The following CDH12 variants were observed in gnomAD, a reference collection of about 807,000 sequenced individuals.
CDH12 encodes cadherin 12.
CDH12 carries 41 observed loss-of-function variants against 74.1 expected under a neutral mutation model. That is an observed-to-expected ratio of 0.55 (90% CI 0.43 to 0.72). CDH12 has a LOEUF of 0.72. Ranked by LOEUF, CDH12 falls within the 30% of genes least tolerant of loss-of-function variation. CDH12 has a pLI of 0.00. For missense variants in CDH12, 945 were observed against 977.2 expected (o/e 0.97, Z 0.44); for synonymous variants, 399 against 355.0 (o/e 1.12, Z -1.39).
intron 5 of CDH12, among the ~76,000 whole-genome samples, chr5:22,034,394 T>G (rs911576136): frequency 2.0e-5 from 3 of 152,168 alleles, no homozygotes; most frequent in African/African-American, 4.8e-5. Flanking sequence ...GTAACAGAAT[T>G]CTAGTAATGT....
At chr5:22,095,742 C>A (rs753808085) in intron 4 of CDH12, among the ~76,000 whole-genome samples, 1 of 151,578 alleles carries the variant, frequency 6.6e-6, no homozygotes, top group Admixed American at 6.6e-5. Context: ...TATTTCCACA[C>A]CCCGACCCCT....
At chr5:22,080,169 A>C (rs1453938381) in intron 4 of CDH12, among the ~76,000 whole-genome samples, 1 of 151,786 alleles carries the variant, frequency 6.6e-6, no homozygotes, top group African/African-American at 2.4e-5. Context: ...ACTAAAATCA[A>C]ATCAATGCAT....
At chr5:22,352,839 A>G (rs1225729518) in intron 3 of CDH12, among the ~76,000 whole-genome samples, 1 of 152,190 alleles carries the variant, frequency 6.6e-6, no homozygotes, top group African/African-American at 2.4e-5. Context: ...TCTATCTAGC[A>G]TAAGAACTAG....
intron 1 of CDH12, among the ~76,000 whole-genome samples, chr5:22,777,953 G>A (rs895406322): frequency 1.3e-5 from 2 of 151,798 alleles, no homozygotes; most frequent in Non-Finnish European, 2.9e-5. Flanking sequence ...AGTTGGGAGT[G>A]TGCCACCACT....
chr5:22,154,533 GTATA>G (rs1290304438), intron 4 of CDH12, among the ~76,000 whole-genome samples: 5 of 34,224 alleles, frequency 1.5e-4, no homozygotes, highest in Non-Finnish European at 3.0e-4. Flanking sequence ...ATACACATAT[GTATA>G]TATGTATATG....
At chr5:22,254,866 G>A (rs116307670) in intron 3 of CDH12, among the ~76,000 whole-genome samples, 6,072 of 151,650 alleles carry the variant, frequency 0.04, 422 homozygotes, top group African/African-American at 0.14. Context: ...CACCTCAAGC[G>A]TTTATCATTT....
intron 1 of CDH12, among the ~76,000 whole-genome samples, chr5:22,551,276 C>G (rs1295531120): frequency 6.6e-6 from 1 of 152,136 alleles, no homozygotes; most frequent in East Asian, 1.9e-4. Context: ...ATTGGCCTCA[C>G]AAGAATCAAT....
intron 5 of CDH12, among the ~76,000 whole-genome samples, chr5:22,077,330 T>G (rs2150224130): frequency 6.6e-6 from 1 of 152,292 alleles, no homozygotes; most frequent in East Asian, 1.9e-4. Context: ...ATTTTAAGTG[T>G]GGTAGAAATA....
At chr5:22,090,231 G>A (rs1008662787) in intron 4 of CDH12, among the ~76,000 whole-genome samples, 4 of 150,822 alleles carry the variant, frequency 2.7e-5, no homozygotes, top group African/African-American at 4.9e-5. Flanking sequence ...ATTAAAAAAC[G>A]TACTATAACA....
intron 2 of CDH12, among the ~76,000 whole-genome samples, chr5:22,426,957 C>T (rs1200843487): frequency 6.6e-6 from 1 of 152,014 alleles, no homozygotes; most frequent in East Asian, 1.9e-4. Context: ...CTCTCTCTAA[C>T]CCCTTCGTCT....
chr5:22,401,955 A>G (rs567881060), intron 3 of CDH12, among the ~76,000 whole-genome samples: 2 of 152,308 alleles, frequency 1.3e-5, no homozygotes, highest in African/African-American at 4.8e-5. Context: ...GGCACTGAAC[A>G]GACTCTCTGA....
At chr5:21,756,930 A>G (rs1744430459) in intron 13 of CDH12, among the ~76,000 whole-genome samples, 1 of 152,196 alleles carries the variant, frequency 6.6e-6, no homozygotes, top group African/African-American at 2.4e-5. Context: ...TTTATGGGAT[A>G]TGATTAGGGA....
chr5:22,605,962 C>A (rs1318921852), intron 1 of CDH12, among the ~76,000 whole-genome samples: 7 of 152,294 alleles, frequency 4.6e-5, no homozygotes, highest in Non-Finnish European at 1.0e-4. Flanking sequence ...TTGGGGTGGC[C>A]ATGGGCAAGT....
At chr5:21,862,771 A>T (rs923876059) in intron 6 of CDH12, among the ~76,000 whole-genome samples, 11 of 152,184 alleles carry the variant, frequency 7.2e-5, no homozygotes, top group African/African-American at 2.4e-4. Flanking sequence ...TATATTGAAT[A>T]TATGGCCTCT....
intron 3 of CDH12, among the ~76,000 whole-genome samples, chr5:22,254,061 G>C (rs1208025357): frequency 6.6e-6 from 1 of 151,810 alleles, no homozygotes; most frequent in Non-Finnish European, 1.5e-5. Flanking sequence ...AGAAGTTTGA[G>C]TTCTCTTTTC....
At chr5:21,881,352 T>C (rs1752344862) in intron 6 of CDH12, among the ~76,000 whole-genome samples, 1 of 152,164 alleles carries the variant, frequency 6.6e-6, no homozygotes, top group South Asian at 2.1e-4. Flanking sequence ...CCATCCTATT[T>C]TCTATTATTT....
chr5:22,596,131 T>G (rs993602246), intron 1 of CDH12, among the ~76,000 whole-genome samples: 1 of 141,738 alleles, frequency 7.1e-6, no homozygotes, highest in Non-Finnish European at 1.5e-5. Context: ...AAATAAAAAA[T>G]AAAAATAATA....
intron 5 of CDH12, among the ~76,000 whole-genome samples, chr5:22,072,815 T>C (rs939576873): frequency 1.3e-5 from 2 of 151,860 alleles, no homozygotes; most frequent in Admixed American, 6.6e-5. Flanking sequence ...TTTAGTTTAA[T>C]AGAGTATTGA....
chr5:22,201,381 G>T (rs973154488), intron 4 of CDH12, among the ~76,000 whole-genome samples: 1 of 152,082 alleles, frequency 6.6e-6, no homozygotes, highest in Non-Finnish European at 1.5e-5. Context: ...TGGCAACATG[G>T]ATAGAACTGG....
Sources: gnomAD v4.1 joint callset for allele counts (sites outside exome capture counted in the v4.1 genomes callset) on GRCh38, gnomAD v4.1.1 for gene constraint, MANE v1.5 for transcripts, NCBI Gene and HGNC (gene_info 2026-07-23, HGNC 2026-07-21) for gene names.